ANO4: variants seen among roughly 807,000 people sequenced by gnomAD.
ANO4 encodes the protein anoctamin-4.
In ANO4, 69 loss-of-function variants were observed where a neutral mutation model predicts 141.9. The observed-to-expected ratio is 0.49, with a 90% confidence interval of 0.40 to 0.59. ANO4 has a LOEUF of 0.59. Ranked by LOEUF, ANO4 falls within the 20% of genes least tolerant of loss-of-function variation. The pLI, the probability that ANO4 is intolerant of heterozygous loss-of-function variation, is 0.00. For synonymous variants in ANO4, 350 were observed against 394.3 expected (o/e 0.89, Z 1.33); for missense variants, 894 against 1,162.2 (o/e 0.77, Z 3.36).
intron 14 of ANO4, among the ~76,000 whole-genome samples, chr12:101,074,921 C>A (rs2048962506): frequency 1.3e-5 from 2 of 152,176 alleles, no homozygotes; most frequent in African/African-American, 4.8e-5. Context: ...CTGTGCTAGA[C>A]TCTGAAGGTA....
intron 3 of ANO4, among the ~76,000 whole-genome samples, chr12:100,777,751 T>A (rs2033573776): frequency 6.6e-6 from 1 of 152,142 alleles, no homozygotes. Flanking sequence ...TTATAAAGAC[T>A]ATTTTACAAC....
chr12:100,742,915 A>C (rs545397185), intron 3 of ANO4, among the ~76,000 whole-genome samples: 1 of 152,328 alleles, frequency 6.6e-6, no homozygotes, highest in African/African-American at 2.4e-5. Context: ...ACAACTTGTG[A>C]AACTGCATAG....
chr12:100,984,248 C>A (rs759046790), intron 7 of ANO4, among the ~76,000 whole-genome samples: 1 of 152,196 alleles, frequency 6.6e-6, no homozygotes, highest in Non-Finnish European at 1.5e-5. Context: ...AGGTGCACAC[C>A]ACCATGCCTG....
At position 100,848,674 on chromosome 12, in the gene ANO4, G is replaced by A. The variant is rs149664070; in HGVS notation, c.-140-52972G>A. ...CATTGCTCCAGCTTCTTTTCTGCAC[G>A]CGACCCCCTCACACTCTTCTACTGA... On this transcript the variant is annotated intron_variant, in intron 1 of 27. Coordinates refer to ENST00000392977, the MANE Select transcript of ANO4 (RefSeq NM_001286615.2). Among the ~76,000 whole-genome samples, 1,193 of 152,184 alleles carry A rather than the reference G, an allele frequency of 7.8e-3. 5 individuals are homozygous for A. Among genetic ancestry groups the A allele is most frequent in the Non-Finnish European group, 0.014 (923 of 68,004 alleles).
rs532321944 is a variant in ANO4, at chr12:100,943,009, C to A, written c.456+474C>A. Among the ~76,000 whole-genome samples the A allele has an allele frequency of 1.1e-4, 16 of 152,296 alleles. No homozygotes were observed. The East Asian group carries it at 3.1e-3, about 29-fold the overall frequency. ...GCAGCTGGAACTTACAAAAAAGATTCCAGTTTTAAGAGACATTCAGGCTAT... is the reference window on the plus strand; with the variant it reads ...GCAGCTGGAACTTACAAAAAAGATTACAGTTTTAAGAGACATTCAGGCTAT... On this transcript the variant is annotated intron_variant, in intron 5 of 27. Transcript: ENST00000392977.
intron 22 of ANO4, among the ~76,000 whole-genome samples, chr12:101,109,497 G>T (rs1321692281): frequency 2.0e-5 from 3 of 151,976 alleles, no homozygotes; most frequent in Non-Finnish European, 2.9e-5. Flanking sequence ...GGAGGCGGAG[G>T]TTGCAGTGAG....
At chr12:100,910,357 A>C (rs1377498776) in intron 2 of ANO4, among the ~76,000 whole-genome samples, 1 of 152,176 alleles carries the variant, frequency 6.6e-6, no homozygotes, top group East Asian at 1.9e-4. Context: ...CTAGAATACC[A>C]ATAAGATGGT....
chr12:100,953,715 TATG>T (rs1408969397), intron 5 of ANO4, among the ~76,000 whole-genome samples: 6 of 152,220 alleles, frequency 3.9e-5, no homozygotes, highest in Non-Finnish European at 8.8e-5. Flanking sequence ...GAAAAATCTC[TATG>T]ATAATGGGTG....
intron 2 of ANO4, 98 bp from the exon 3 acceptor site, chr12:100,922,128 C>T: frequency 1.3e-6 from 1 of 749,302 alleles, no homozygotes; most frequent in East Asian, 3.1e-5. Context: ...ACCAGCTAGC[C>T]ATTCACTTTG....
intron 9 of ANO4, among the ~76,000 whole-genome samples, chr12:101,025,828 A>T (rs11614882): frequency 2.6e-5 from 4 of 152,196 alleles, no homozygotes; most frequent in African/African-American, 9.6e-5. Flanking sequence ...AAGAAAAACC[A>T]TATGTTCATA....
chr12:100,819,954 G>T (rs1036839312), intron 1 of ANO4, among the ~76,000 whole-genome samples: 5 of 151,830 alleles, frequency 3.3e-5, no homozygotes, highest in Non-Finnish European at 4.4e-5. Context: ...TGTTGGGGCC[G>T]TGTCTTATTT....
At chr12:101,091,857 T>C (rs759452316) in intron 17 of ANO4, among the ~76,000 whole-genome samples, 4 of 152,074 alleles carry the variant, frequency 2.6e-5, no homozygotes, top group Non-Finnish European at 4.4e-5. Flanking sequence ...ATATAGTATT[T>C]ACTTTAAAAT....
At position 101,037,165 on chromosome 12, in the gene ANO4, TTAATC is replaced by T. The variant is rs1566158742; in HGVS notation, c.897+17_897+21del. On this transcript the variant is annotated intron_variant, in intron 10 of 27. Coordinates refer to ENST00000392977, the MANE Select transcript of ANO4 (RefSeq NM_001286615.2). ...CCCTGCATGAGGTATTGTGCTGTCT[TTAATC>T]TTTATCTTTCTTTCAATCGTTTGTT... 8 of 1,611,778 alleles carry T rather than the reference TTAATC, an allele frequency of 5.0e-6. No homozygotes were observed. Among genetic ancestry groups the T allele is most frequent in the Non-Finnish European group, 6.8e-6 (8 of 1,178,670 alleles).
At chr12:100,742,354 T>A (rs1008634137) in intron 3 of ANO4, among the ~76,000 whole-genome samples, 4 of 152,146 alleles carry the variant, frequency 2.6e-5, no homozygotes, top group Non-Finnish European at 5.9e-5. Flanking sequence ...TTCTTTTTAT[T>A]TGTGTTTTAA....
intron 14 of ANO4, among the ~76,000 whole-genome samples, chr12:101,059,736 T>C (rs1020008763): frequency 6.6e-6 from 1 of 152,222 alleles, no homozygotes; most frequent in African/African-American, 2.4e-5. Flanking sequence ...ATCCCCTTTA[T>C]CATTTTTTAT....
intron 3 of ANO4, among the ~76,000 whole-genome samples, chr12:100,922,682 C>G (rs1486030212): frequency 6.6e-6 from 1 of 152,004 alleles, no homozygotes; most frequent in African/African-American, 2.4e-5. Context: ...AAACAAAATA[C>G]AATTCCTCTG....
intron 3 of ANO4, among the ~76,000 whole-genome samples, chr12:100,763,473 A>G (rs1452629975): frequency 1.3e-5 from 2 of 152,234 alleles, no homozygotes; most frequent in Non-Finnish European, 2.9e-5. Flanking sequence ...TACTCAGGTA[A>G]GCAGAATCTC....
intron 13 of ANO4, among the ~76,000 whole-genome samples, chr12:101,045,561 C>T (rs12833271): frequency 9.2e-5 from 14 of 152,152 alleles, no homozygotes; most frequent in South Asian, 2.1e-4. Context: ...ATCAGATTGG[C>T]GCTGGGATCT....
chr12:100,879,121 G>T (rs1052705086), intron 1 of ANO4, among the ~76,000 whole-genome samples: 1 of 152,166 alleles, frequency 6.6e-6, no homozygotes, highest in African/African-American at 2.4e-5. Context: ...GAGCTTGCTT[G>T]ATATCAGTGT....
Sources: allele counts gnomAD v4.1 joint callset (sites outside exome capture counted in the v4.1 genomes callset), GRCh38; gene constraint gnomAD v4.1.1; transcripts MANE v1.5; gene names NCBI Gene and HGNC (gene_info 2026-07-23, HGNC 2026-07-21).